The following BLTP3A variants were observed in gnomAD, a reference collection of about 807,000 sequenced individuals.
BLTP3A encodes the protein ICBP90 binding protein 1.
the BLTP3A span, chr6:34,856,672 T>C: frequency 7.4e-7 from 1 of 1,343,836 alleles, no homozygotes; most frequent in Non-Finnish European, 1.0e-6. Context: ...AGCTAGACAG[T>C]GTTAAGCTCT....
the BLTP3A span, among the ~76,000 whole-genome samples, chr6:34,851,414 T>C: frequency 1.3e-5 from 2 of 152,176 alleles, no homozygotes; most frequent in African/African-American, 2.4e-5. Context: ...CTTGGTGGTC[T>C]TGGGTAAGAT....
chr6:34,871,993 C>T, the BLTP3A span: 35 of 1,514,004 alleles, frequency 2.3e-5, no homozygotes, highest in Admixed American at 3.1e-4. Context: ...CTGGTAAAAC[C>T]CGGGGTTGGG....
At chr6:34,839,494 C>T in the BLTP3A span, among the ~76,000 whole-genome samples, 2 of 152,278 alleles carry the variant, frequency 1.3e-5, no homozygotes, top group South Asian at 2.1e-4. Flanking sequence ...TTGAGATGTT[C>T]TGTAAATGTA....
the BLTP3A span, among the ~76,000 whole-genome samples, chr6:34,816,350 A>G: frequency 6.6e-6 from 1 of 151,300 alleles, no homozygotes; most frequent in African/African-American, 2.4e-5. Context: ...CACATCTGTA[A>G]TCCCAGTACT....
At chr6:34,806,674 C>T in the BLTP3A span, among the ~76,000 whole-genome samples, 6 of 152,128 alleles carry the variant, frequency 3.9e-5, no homozygotes, top group Admixed American at 6.6e-5. Context: ...TTCTCCCCCC[C>T]TCCCCAAGAT....
At chr6:34,792,135 C>T in the BLTP3A span, 21 of 921,904 alleles carry the variant, frequency 2.3e-5, no homozygotes, top group Non-Finnish European at 3.0e-5. Flanking sequence ...ATGGCGGCGG[C>T]GGCGGCTGTG....
the BLTP3A span, among the ~76,000 whole-genome samples, chr6:34,860,731 T>C: frequency 9.9e-5 from 15 of 152,266 alleles, no homozygotes; most frequent in Admixed American, 2.0e-4. Context: ...TTGCACAAGA[T>C]CACACAACTT....
the BLTP3A span, among the ~76,000 whole-genome samples, chr6:34,799,411 G>A: frequency 1.3e-5 from 2 of 151,872 alleles, no homozygotes; most frequent in Non-Finnish European, 1.5e-5. Flanking sequence ...GATCACTTGA[G>A]CCTGGGAGGC....
chr6:34,802,028 T>C, the BLTP3A span, among the ~76,000 whole-genome samples: 2 of 152,072 alleles, frequency 1.3e-5, no homozygotes, highest in East Asian at 3.9e-4. Flanking sequence ...TGAGCCACCA[T>C]GCCTGGCCTG....
the BLTP3A span, among the ~76,000 whole-genome samples, chr6:34,826,922 T>C: frequency 5.8e-3 from 882 of 152,338 alleles, 10 homozygotes; most frequent in South Asian, 0.035. Flanking sequence ...TGAGAAACGC[T>C]ATTTAGAGAC....
chr6:34,870,919 T>A, the BLTP3A span: 1 of 1,614,224 alleles, frequency 6.2e-7, no homozygotes, highest in Non-Finnish European at 8.5e-7. Flanking sequence ...GGGCCTTCGC[T>A]TTGAGGTGGG....
At chr6:34,834,233 G>A in the BLTP3A span, 5 of 1,613,582 alleles carry the variant, frequency 3.1e-6, no homozygotes, top group Non-Finnish European at 4.2e-6. Context: ...TGGCTTTGCC[G>A]AAAAGGTGGT....
chr6:34,851,244 A>G, the BLTP3A span, among the ~76,000 whole-genome samples: 7 of 152,096 alleles, frequency 4.6e-5, no homozygotes, highest in Non-Finnish European at 1.0e-4. Flanking sequence ...GGTATTTATC[A>G]TAGTCTTCAC....
At chr6:34,835,344 C>T in the BLTP3A span, 21 of 1,614,154 alleles carry the variant, frequency 1.3e-5, no homozygotes, top group Non-Finnish European at 1.4e-5. Flanking sequence ...TGTTGGATGA[C>T]CTGCTCTGGG....
At chr6:34,834,420 C>T in the BLTP3A span, 329 of 1,611,904 alleles carry the variant, frequency 2.0e-4, 1 homozygote, top group African/African-American at 3.4e-3. Context: ...ACAGCCCCAT[C>T]ATTGTGAAGG....
the BLTP3A span, among the ~76,000 whole-genome samples, chr6:34,818,190 C>T: frequency 9.9e-5 from 15 of 152,200 alleles, no homozygotes; most frequent in East Asian, 7.7e-4. Context: ...CCCATGAGGC[C>T]GGGTACAATG....
chr6:34,855,627 C>T, the BLTP3A span: 1 of 1,613,548 alleles, frequency 6.2e-7, no homozygotes, highest in East Asian at 2.2e-5. Flanking sequence ...GTGTCTCTGC[C>T]AACAGACTCA....
chr6:34,806,723 G>A, the BLTP3A span, among the ~76,000 whole-genome samples: 3 of 152,096 alleles, frequency 2.0e-5, no homozygotes, highest in Admixed American at 1.3e-4. Context: ...GTGCAGTGGC[G>A]CAATCTTAGC....
At chr6:34,856,753 T>G in the BLTP3A span, 12 of 1,603,246 alleles carry the variant, frequency 7.5e-6, no homozygotes, top group Middle Eastern at 1.7e-4. Flanking sequence ...GAGAGTTGAA[T>G]GTATCTGATT....
Sources: gnomAD v4.1 joint callset for allele counts (sites outside exome capture counted in the v4.1 genomes callset) on GRCh38, gnomAD v4.1.1 for gene constraint, MANE v1.5 for transcripts, NCBI Gene and HGNC (gene_info 2026-07-23, HGNC 2026-07-21) for gene names.